MICAL2: variants seen among roughly 807,000 people sequenced by gnomAD.
MICAL2 encodes the protein [F-actin]-monooxygenase MICAL2.
A neutral mutation model predicts 127.3 loss-of-function variants in MICAL2; 77 were observed. That is an observed-to-expected ratio of 0.60 (90% CI 0.50 to 0.73). The LOEUF is 0.73. Among genes scored for constraint, MICAL2 ranks in the 30% least tolerant of loss-of-function variants. The probability of loss-of-function intolerance (pLI) is 0.00; values close to 1 mark genes in which losing one functional copy is unlikely to be tolerated. For synonymous variants in MICAL2, 570 were observed against 551.1 expected (o/e 1.03, Z -0.48); for missense variants, 1,351 against 1,434.4 (o/e 0.94, Z 0.94).
rs1854876718 is a variant in MICAL2, at chr11:12,162,076, C to T, written c.-77-3C>T. ...TGACCTCTGCCTCCCCCTACTTTCACAGGTGTGACGTTTCTCCAGATACTT... is the reference window on the plus strand; with the variant it reads ...TGACCTCTGCCTCCCCCTACTTTCATAGGTGTGACGTTTCTCCAGATACTT... On this transcript the variant is annotated splice_polypyrimidine_tract_variant and splice_region_variant and intron_variant, in intron 2 of 27. Transcript: ENST00000683283. 2 of 1,582,806 alleles carry T rather than the reference C, an allele frequency of 1.3e-6. No individual in the cohort carries two copies. The highest frequency in any genetic ancestry group is 3.4e-5 in the Admixed American group (2 of 58,492).
intron 12 of MICAL2, among the ~76,000 whole-genome samples, chr11:12,224,140 A>G (rs1054170494): frequency 6.6e-6 from 1 of 152,176 alleles, no homozygotes; most frequent in Non-Finnish European, 1.5e-5. Flanking sequence ...TTACGCAAAC[A>G]TAGCAGGTTT....
At chr11:12,169,537 A>G (rs1855979209) in intron 3 of MICAL2, among the ~76,000 whole-genome samples, 1 of 152,080 alleles carries the variant, frequency 6.6e-6, no homozygotes, top group African/African-American at 2.4e-5. Flanking sequence ...AGGCGTGAGC[A>G]ACCATGCCCG....
At position 12,311,439 on chromosome 11, in the gene MICAL2, T is replaced by G. The variant is rs950156490; in HGVS notation, c.5213-8257T>G. 2.0e-5 allele frequency among the ~76,000 whole-genome samples: 3 copies of G among 151,882 alleles called. No individual in the cohort carries two copies. In the East Asian group the frequency reaches 5.8e-4, roughly 29 times the overall value. ...TATTTTATTTTATTTTGAGACAGAG[T>G]CTTGCTCTGTTGCCCAGGCTGGAGT... On this transcript the variant is annotated intron_variant, in intron 29 of 34. Transcript: ENST00000646065.
At chr11:12,300,945 C>A (rs747454044) in intron 29 of MICAL2, among the ~76,000 whole-genome samples, 1 of 152,078 alleles carries the variant, frequency 6.6e-6, no homozygotes, top group Admixed American at 6.5e-5. Flanking sequence ...TGTATTAGTC[C>A]GTTTTCACAC....
intron 25 of MICAL2, among the ~76,000 whole-genome samples, chr11:12,258,830 AT>A (rs1441770727): frequency 6.6e-6 from 1 of 152,184 alleles, no homozygotes; most frequent in Non-Finnish European, 1.5e-5. Context: ...TGTGGCAGGG[AT>A]GGGGTGATAT....
At chr11:12,249,297 T>C in intron 22 of MICAL2, 51 bp downstream of exon 22, 1 of 1,062,558 alleles carries the variant, frequency 9.4e-7, no homozygotes, top group Non-Finnish European at 1.5e-6. Context: ...AAAGGGGGAT[T>C]ATCAGACCCA....
At chr11:12,316,474 A>G (rs1864232829) in intron 29 of MICAL2, among the ~76,000 whole-genome samples, 1 of 151,220 alleles carries the variant, frequency 6.6e-6, no homozygotes, top group African/African-American at 2.4e-5. Context: ...TTTGTTGTTC[A>G]TGTATAGAAA....
intron 20 of MICAL2, 52 bp downstream of exon 20, chr11:12,242,824 C>G: frequency 7.3e-7 from 1 of 1,374,944 alleles, no homozygotes; most frequent in South Asian, 1.3e-5. Context: ...GACATCCAGC[C>G]AGGTGACCTT....
chr11:12,202,942 C>T (rs2134116321), intron 3 of MICAL2, among the ~76,000 whole-genome samples: 1 of 152,306 alleles, frequency 6.6e-6, no homozygotes, highest in Admixed American at 6.5e-5. Flanking sequence ...CCCAATTCTC[C>T]CTCCCCCATT....
chr11:12,277,634 C>T (rs1033052671), intron 1 of MICAL2, among the ~76,000 whole-genome samples: 1 of 152,092 alleles, frequency 6.6e-6, no homozygotes, highest in African/African-American at 2.4e-5. Context: ...CAGGTACACC[C>T]TGAGTGGGAA....
chr11:12,150,008 C>T (rs1246162312), intron 2 of MICAL2, among the ~76,000 whole-genome samples: 2 of 152,020 alleles, frequency 1.3e-5, no homozygotes, highest in African/African-American at 4.8e-5. Context: ...TTGGTGGTGA[C>T]GTTGGTTTGA....
At chr11:12,133,163 C>T (rs946811246) in intron 1 of MICAL2, among the ~76,000 whole-genome samples, 1 of 152,206 alleles carries the variant, frequency 6.6e-6, no homozygotes, top group African/African-American at 2.4e-5. Flanking sequence ...CTCACTGCAG[C>T]TTCTGTCTCC....
intron 2 of MICAL2, among the ~76,000 whole-genome samples, chr11:12,142,017 C>T (rs1441902939): frequency 6.6e-6 from 1 of 152,240 alleles, no homozygotes; most frequent in African/African-American, 2.4e-5. Flanking sequence ...AGAGACATGA[C>T]TCAAGCACAC....
intron 32 of MICAL2, among the ~76,000 whole-genome samples, chr11:12,328,066 A>T (rs1431635622): frequency 6.6e-6 from 1 of 152,244 alleles, no homozygotes; most frequent in African/African-American, 2.4e-5. Flanking sequence ...TTGATGCTTA[A>T]GTTAACACAT....
In MICAL2 at chr11:12,169,703, T is replaced by C. The variant is rs1855996618; in HGVS notation, c.264+7284T>C. ...CGTCTATAGCACAATTTCTTTAGCT[T>C]AGCTTATTTCCAGTCTATTGCCATT... is the stretch of plus-strand genomic sequence containing the variant. On this transcript the variant is annotated intron_variant, in intron 3 of 27. Transcript: ENST00000683283. Among the ~76,000 whole-genome samples the C allele has an allele frequency of 2.6e-5, 4 of 152,332 alleles. No homozygotes were observed. The South Asian group carries it at 8.3e-4, about 32-fold the overall frequency.
At chr11:12,294,537 A>G (rs766472361), downstream of MICAL2, 6 of 1,613,988 alleles carry the variant, frequency 3.7e-6, no homozygotes, top group Non-Finnish European at 8.5e-7. Context: ...AAGATTGAAG[A>G]TGTCCCCACA....
At chr11:12,192,546 G>A (rs1392280363) in intron 3 of MICAL2, among the ~76,000 whole-genome samples, 2 of 152,184 alleles carry the variant, frequency 1.3e-5, no homozygotes, top group Non-Finnish European at 2.9e-5. Context: ...GGCTGAGGCG[G>A]GCGGGTGAAT....
intron 11 of MICAL2, 129 bp downstream of exon 11, chr11:12,222,872 T>C (rs1856985832): frequency 8.5e-7 from 1 of 1,170,360 alleles, no homozygotes; most frequent in East Asian, 2.5e-5. Context: ...GCTGGCCTAA[T>C]GGTGGGACCA....
intron 31 of MICAL2, among the ~76,000 whole-genome samples, chr11:12,326,863 T>C (rs1474435182): frequency 3.3e-5 from 5 of 152,228 alleles, no homozygotes; most frequent in African/African-American, 1.2e-4. Context: ...CCATGATGAC[T>C]GCTCACCTCA....
Sources: gnomAD v4.1 joint callset for allele counts (sites outside exome capture counted in the v4.1 genomes callset) on GRCh38, gnomAD v4.1.1 for gene constraint, MANE v1.5 for transcripts, NCBI Gene and HGNC (gene_info 2026-07-23, HGNC 2026-07-21) for gene names.